Variants in TENM4 observed in about 807,000 individuals in gnomAD.
TENM4 encodes teneurin transmembrane protein 4.
In TENM4, 82 loss-of-function variants were observed where a neutral mutation model predicts 243.3. The observed-to-expected ratio is 0.34, with a 90% CI of 0.28 to 0.40. The LOEUF is 0.40. Among genes scored for constraint, TENM4 ranks in the 10% least tolerant of loss-of-function variants. TENM4 has a pLI of 1.00. For missense variants in TENM4, 3,138 were observed against 3,673.3 expected (o/e 0.85, Z 3.77); for synonymous variants, 1,412 against 1,456.3 (o/e 0.97, Z 0.69).
At chr11:78,812,653 G>T (rs1857523865) in intron 13 of TENM4, among the ~76,000 whole-genome samples, 1 of 152,090 alleles carries the variant, frequency 6.6e-6, no homozygotes, top group Non-Finnish European at 1.5e-5. Flanking sequence ...AAAGCCAGTG[G>T]CTGAGCCTCC....
At chr11:78,674,023 A>G (rs963586607) in intron 30 of TENM4, among the ~76,000 whole-genome samples, 2 of 149,996 alleles carry the variant, frequency 1.3e-5, no homozygotes, top group Non-Finnish European at 3.0e-5. Flanking sequence ...TGCCACCAAC[A>G]ATGACAGAGG....
At chr11:79,231,872 G>T (rs1864379776) in intron 2 of TENM4, among the ~76,000 whole-genome samples, 1 of 152,126 alleles carries the variant, frequency 6.6e-6, no homozygotes, top group Admixed American at 6.5e-5. Flanking sequence ...TTGAGGTCAG[G>T]AGTTCAAGAC....
intron 6 of TENM4, among the ~76,000 whole-genome samples, chr11:78,988,554 A>T (rs1857970954): frequency 6.6e-6 from 1 of 152,210 alleles, no homozygotes; most frequent in Non-Finnish European, 1.5e-5. Flanking sequence ...TCACACATAC[A>T]CACAAAAAGA....
intron 9 of TENM4, among the ~76,000 whole-genome samples, chr11:78,872,554 C>T (rs141240558): frequency 1.3e-5 from 2 of 152,324 alleles, no homozygotes; most frequent in Non-Finnish European, 2.9e-5. Context: ...TGACACCATT[C>T]CCAGTGCTAT....
intron 15 of TENM4, among the ~76,000 whole-genome samples, chr11:78,803,575 G>C (rs1857327546): frequency 6.6e-6 from 1 of 152,182 alleles, no homozygotes; most frequent in Non-Finnish European, 1.5e-5. Flanking sequence ...CCAGTTACGG[G>C]GAGTGGTATA....
chr11:78,853,588 T>C (rs1858597934), intron 12 of TENM4, among the ~76,000 whole-genome samples: 1 of 152,182 alleles, frequency 6.6e-6, no homozygotes, highest in Non-Finnish European at 1.5e-5. Context: ...AAAACCCCAG[T>C]CTGACTGATG....
At chr11:79,281,552 C>T (rs2135364778) in intron 2 of TENM4, among the ~76,000 whole-genome samples, 1 of 152,212 alleles carries the variant, frequency 6.6e-6, no homozygotes, top group Admixed American at 6.5e-5. Context: ...GCTTGGAAAT[C>T]ATAGTCAAGA....
chr11:78,738,570 CCT>C lies in TENM4; in HGVS notation c.2757-2_2757-1del. ...CTTGGCCACGAATAACACAAGCATG[CCT>C]GTGGGAAGAGAAGAGAGAATAAACA... On this transcript the variant is annotated splice_acceptor_variant, in intron 19 of 33. Transcript: ENST00000278550. LOFTEE classifies it high-confidence loss of function. The C allele has an allele frequency of 6.2e-7, 1 of 1,613,268 alleles. No individual in the cohort carries two copies. The highest frequency in any genetic ancestry group is 8.5e-7 in the Non-Finnish European group (1 of 1,179,562).
intron 1 of TENM4, among the ~76,000 whole-genome samples, chr11:79,374,937 CCTT>C (rs1331937872): frequency 5.9e-5 from 9 of 152,186 alleles, no homozygotes; most frequent in African/African-American, 1.9e-4. Context: ...GCCTTGAACT[CCTT>C]CTCCTTTCAA....
chr11:79,349,837 C>A (rs759021494), intron 1 of TENM4, among the ~76,000 whole-genome samples: 3 of 152,162 alleles, frequency 2.0e-5, no homozygotes, highest in African/African-American at 2.4e-5. Flanking sequence ...GAAACACAGT[C>A]CAGACTCACA....
chr11:78,886,628 T>A (rs1343808704), intron 9 of TENM4, among the ~76,000 whole-genome samples: 1 of 152,230 alleles, frequency 6.6e-6, no homozygotes, highest in African/African-American at 2.4e-5. Flanking sequence ...GGTGAGCAGC[T>A]GCTGTGTGGT....
chr11:79,239,851 C>T (rs1033383699), intron 2 of TENM4, among the ~76,000 whole-genome samples: 11 of 152,148 alleles, frequency 7.2e-5, no homozygotes, highest in Non-Finnish European at 1.0e-4. Flanking sequence ...GGAAAGACCA[C>T]GCGCAGAGCT....
chr11:78,831,984 T>C lies in TENM4; in HGVS notation c.1682-17589A>G, dbSNP rs141870986. Among the ~76,000 whole-genome samples the C allele has an allele frequency of 7.2e-5, 11 of 152,300 alleles. 1 individual carries two copies. The East Asian group carries it at 1.4e-3, about 19-fold the overall frequency. ...TTAAACAAAGTAATATGAGAGCCTA[T>C]TGCAAGTCAGGCACAGTGCTGGTAC... On this transcript the variant is annotated intron_variant, in intron 12 of 33. Transcript: ENST00000278550.
In TENM4 at chr11:79,410,856, T is replaced by C. The variant is rs79916518; in HGVS notation, c.-321+29653A>G. Reference sequence around the variant, plus strand: ...TTACCTTCTCTCTAAACCTCCATAGTAAGTCCTGTACTCTACAGGGAGGGT... The same window carrying C: ...TTACCTTCTCTCTAAACCTCCATAGCAAGTCCTGTACTCTACAGGGAGGGT... On this transcript the variant is annotated intron_variant, in intron 1 of 33. Coordinates refer to ENST00000278550, the MANE Select transcript of TENM4 (RefSeq NM_001098816.3). 5.9e-3 allele frequency among the ~76,000 whole-genome samples: 892 copies of C among 152,334 alleles called. 1 individual carries two copies. Among genetic ancestry groups the C allele is most frequent in the Middle Eastern group, 0.014 (4 of 294 alleles).
chr11:79,117,688 G>C (rs1380264307), intron 4 of TENM4, among the ~76,000 whole-genome samples: 1 of 152,188 alleles, frequency 6.6e-6, no homozygotes, highest in African/African-American at 2.4e-5. Flanking sequence ...ACCATCTGTA[G>C]GCAAACCTGC....
intron 12 of TENM4, among the ~76,000 whole-genome samples, chr11:78,827,923 T>C (rs1284826551): frequency 6.6e-6 from 1 of 152,222 alleles, no homozygotes; most frequent in African/African-American, 2.4e-5. Context: ...TACTTTGCAA[T>C]CTAGTTATGT....
intron 3 of TENM4, among the ~76,000 whole-genome samples, chr11:79,166,014 T>G (rs1862905775): frequency 6.6e-6 from 1 of 152,198 alleles, no homozygotes; most frequent in Admixed American, 6.6e-5. Flanking sequence ...CCTGCCTAAC[T>G]TTTTCTCTGA....
At chr11:79,041,599 G>C (rs1031164921) in intron 6 of TENM4, among the ~76,000 whole-genome samples, 1 of 151,480 alleles carries the variant, frequency 6.6e-6, no homozygotes, top group East Asian at 1.9e-4. Flanking sequence ...ATACATTTTT[G>C]TATCTGTTTA....
chr11:79,355,431 G>C (rs759901202), intron 1 of TENM4, among the ~76,000 whole-genome samples: 4 of 152,128 alleles, frequency 2.6e-5, no homozygotes, highest in Non-Finnish European at 4.4e-5. Context: ...TACTCGGGAG[G>C]CTGAGGCAAG....
Sources: gnomAD v4.1 joint callset for allele counts (sites outside exome capture counted in the v4.1 genomes callset) on GRCh38, gnomAD v4.1.1 for gene constraint, MANE v1.5 for transcripts, NCBI Gene and HGNC (gene_info 2026-07-23, HGNC 2026-07-21) for gene names.